KIAA1328: variants seen among roughly 807,000 people sequenced by gnomAD.
The protein encoded by KIAA1328 is protein hinderin.
KIAA1328 carries 52 observed loss-of-function variants against 68.1 expected under a neutral mutation model. That is an observed-to-expected ratio of 0.76 (90% CI 0.61 to 0.96). The LOEUF (loss-of-function observed/expected upper bound fraction) is 0.96. Among genes scored for constraint, KIAA1328 ranks in the 40% least tolerant of loss-of-function variants. The pLI, the probability that KIAA1328 is intolerant of heterozygous loss-of-function variation, is 0.00. For missense variants in KIAA1328, 641 were observed against 677.6 expected, an observed-to-expected ratio of 0.95 and a Z score of 0.60; for synonymous variants, 232 against 239.4, an observed-to-expected ratio of 0.97 and a Z score of 0.28.
chr18:36,984,904 CAAAAAAAA>C (rs56357519), intron 6 of KIAA1328, among the ~76,000 whole-genome samples: 3 of 80,746 alleles, frequency 3.7e-5, no homozygotes, highest in East Asian at 3.7e-4. Context: ...GACTCCATCT[CAAAAAAAA>C]AAAAAAAAAA....
intron 7 of KIAA1328, among the ~76,000 whole-genome samples, chr18:37,095,934 C>T (rs760369300): frequency 4.6e-5 from 7 of 151,860 alleles, no homozygotes; most frequent in Non-Finnish European, 7.4e-5. Flanking sequence ...ATAATTGAAC[C>T]GGGAAGAAAT....
intron 3 of KIAA1328, among the ~76,000 whole-genome samples, chr18:36,835,849 AT>A (rs2046655312): frequency 6.6e-6 from 1 of 152,138 alleles, no homozygotes; most frequent in Admixed American, 6.5e-5. Context: ...AATTTTTGTT[AT>A]ATTTTCCCTC....
chr18:37,215,106 T>C (rs2060401626), intron 9 of KIAA1328, among the ~76,000 whole-genome samples: 2 of 152,192 alleles, frequency 1.3e-5, no homozygotes, highest in Admixed American at 1.3e-4. Context: ...ACCTGGACAA[T>C]TTGACTTCCT....
At chr18:37,045,093 A>G (rs184628871) in intron 6 of KIAA1328, among the ~76,000 whole-genome samples, 2 of 152,310 alleles carry the variant, frequency 1.3e-5, no homozygotes, top group Admixed American at 1.3e-4. Flanking sequence ...AAATCTCAGT[A>G]AGAATTCTTT....
At chr18:37,139,332 T>C (rs1353894976) in intron 7 of KIAA1328, among the ~76,000 whole-genome samples, 1 of 152,164 alleles carries the variant, frequency 6.6e-6, no homozygotes, top group African/African-American at 2.4e-5. Context: ...CAGAGAAATA[T>C]GAAGATTTAG....
At chr18:37,176,169 T>G (rs940320850) in intron 9 of KIAA1328, among the ~76,000 whole-genome samples, 1 of 152,246 alleles carries the variant, frequency 6.6e-6, no homozygotes, top group African/African-American at 2.4e-5. Flanking sequence ...ATCCATCACT[T>G]GGTGACACCC....
chr18:37,172,292 CTAA>C (rs1599501485), intron 8 of KIAA1328, among the ~76,000 whole-genome samples: 1 of 152,096 alleles, frequency 6.6e-6, no homozygotes, highest in Non-Finnish European at 1.5e-5. Context: ...TGTTTAGAAA[CTAA>C]TAATAACTGA....
chr18:36,866,207 T>A (rs2150909574), intron 4 of KIAA1328, among the ~76,000 whole-genome samples: 1 of 152,270 alleles, frequency 6.6e-6, no homozygotes, highest in East Asian at 1.9e-4. Flanking sequence ...CACCTCACCT[T>A]ACTTTGGTTC....
intron 5 of KIAA1328, among the ~76,000 whole-genome samples, chr18:36,896,131 A>G (rs1441128350): frequency 6.6e-6 from 1 of 152,114 alleles, no homozygotes; most frequent in East Asian, 1.9e-4. Flanking sequence ...TTTTCAGTGT[A>G]TTTGTGGAGG....
chr18:36,985,628 C>T (rs930372188), intron 6 of KIAA1328, among the ~76,000 whole-genome samples: 1 of 152,122 alleles, frequency 6.6e-6, no homozygotes, highest in African/African-American at 2.4e-5. Context: ...GAGTCCATAT[C>T]CTTATGGATA....
intron 5 of KIAA1328, among the ~76,000 whole-genome samples, chr18:36,926,219 A>T (rs1422903412): frequency 6.6e-6 from 1 of 152,098 alleles, no homozygotes; most frequent in East Asian, 1.9e-4. Flanking sequence ...AGAATAATTT[A>T]TAATTCTTAT....
chr18:36,831,546 T>C (rs2046492492), intron 1 of KIAA1328, among the ~76,000 whole-genome samples: 1 of 152,220 alleles, frequency 6.6e-6, no homozygotes, highest in African/African-American at 2.4e-5. Flanking sequence ...TAAATTTGAC[T>C]GCTTAAATGC....
At chr18:36,969,559 G>A (rs1020965524) in intron 6 of KIAA1328, among the ~76,000 whole-genome samples, 4 of 151,886 alleles carry the variant, frequency 2.6e-5, no homozygotes, top group Non-Finnish European at 5.9e-5. Flanking sequence ...AAATTTCTGG[G>A]TACATACACT....
At chr18:36,860,302 C>G (rs560980587) in intron 4 of KIAA1328, among the ~76,000 whole-genome samples, 2 of 152,156 alleles carry the variant, frequency 1.3e-5, no homozygotes, top group Admixed American at 6.5e-5. Flanking sequence ...TGATTATATT[C>G]AAATCTTCTA....
chr18:37,037,066 A>G (rs2055055852), intron 6 of KIAA1328, among the ~76,000 whole-genome samples: 1 of 152,020 alleles, frequency 6.6e-6, no homozygotes, highest in Admixed American at 6.6e-5. Context: ...AAGTGCTTGT[A>G]TTTTCTGTTG....
At chr18:37,067,569 T>A (rs1568362087) in intron 7 of KIAA1328, 24 bp downstream of exon 7, 1 of 1,459,692 alleles carries the variant, frequency 6.9e-7, no homozygotes. Context: ...GTTCTTTTTT[T>A]TTTTTTTTTG....
intron 5 of KIAA1328, among the ~76,000 whole-genome samples, chr18:36,934,545 G>C (rs1015535168): frequency 2.0e-5 from 3 of 151,930 alleles, no homozygotes; most frequent in Non-Finnish European, 4.4e-5. Context: ...CCACCTATGA[G>C]TGAGAACATG....
At chr18:36,969,359 G>A (rs1598851201) in intron 6 of KIAA1328, among the ~76,000 whole-genome samples, 1 of 151,618 alleles carries the variant, frequency 6.6e-6, no homozygotes, top group African/African-American at 2.4e-5. Flanking sequence ...CTGGTCTTTT[G>A]AAAAAAATTA....
chr18:37,100,717 G>A (rs1438380201), intron 7 of KIAA1328, among the ~76,000 whole-genome samples: 1 of 152,214 alleles, frequency 6.6e-6, no homozygotes, highest in Non-Finnish European at 1.5e-5. Context: ...CGAACAGACT[G>A]CCTCCTCAAG....
Sources: gnomAD v4.1 joint callset for allele counts (sites outside exome capture counted in the v4.1 genomes callset) on GRCh38, gnomAD v4.1.1 for gene constraint, MANE v1.5 for transcripts, NCBI Gene and HGNC (gene_info 2026-07-23, HGNC 2026-07-21) for gene names.